PARN: variants seen among roughly 807,000 people sequenced by gnomAD.
PARN encodes poly(A)-specific ribonuclease PARN.
A neutral mutation model predicts 102.8 loss-of-function variants in PARN; 71 were observed. The observed-to-expected ratio is 0.69, with a 90% confidence interval of 0.57 to 0.84. The LOEUF is 0.84. Ranked by LOEUF, PARN falls within the 40% of genes least tolerant of loss-of-function variation. PARN has a pLI of 0.00. For missense variants in PARN, 782 were observed against 760.9 expected, an observed-to-expected ratio of 1.03 and a Z score of -0.33; for synonymous variants, 261 against 252.9, an observed-to-expected ratio of 1.03 and a Z score of -0.30.
chr16:14,566,683 C>T (rs905313549), intron 18 of PARN, among the ~76,000 whole-genome samples: 3 of 152,180 alleles, frequency 2.0e-5, no homozygotes, highest in African/African-American at 7.2e-5. Flanking sequence ...TGACTGATTT[C>T]CTTTTACCTC....
chr16:14,455,853 C>T (rs1482078311), intron 22 of PARN, among the ~76,000 whole-genome samples: 2 of 152,210 alleles, frequency 1.3e-5, no homozygotes, highest in Non-Finnish European at 2.9e-5. Context: ...CTCCATGTGT[C>T]GCTGACTGTG....
chr16:14,462,823 A>G (rs1962070542), intron 22 of PARN, among the ~76,000 whole-genome samples: 1 of 152,220 alleles, frequency 6.6e-6, no homozygotes, highest in African/African-American at 2.4e-5. Context: ...CTACCCAGCC[A>G]AAACAACCAA....
intron 3 of PARN, 112 bp downstream of exon 3, chr16:14,628,060 A>G: frequency 1.4e-6 from 1 of 718,360 alleles, no homozygotes; most frequent in Non-Finnish European, 2.4e-6. Flanking sequence ...GTTTGAGGAG[A>G]AAATACTGCA....
chr16:14,471,613 C>T (rs892606981), intron 22 of PARN, among the ~76,000 whole-genome samples: 6 of 152,148 alleles, frequency 3.9e-5, no homozygotes, highest in Non-Finnish European at 2.9e-5. Context: ...CACTGCTGGG[C>T]AACCAATCTC....
At chr16:14,475,022 G>A (rs1319298129) in intron 22 of PARN, among the ~76,000 whole-genome samples, 2 of 152,178 alleles carry the variant, frequency 1.3e-5, no homozygotes, top group East Asian at 1.9e-4. Flanking sequence ...TTTGATATAT[G>A]CATTAGCATT....
chr16:14,529,666 T>G (rs1596585169), intron 21 of PARN, among the ~76,000 whole-genome samples: 1 of 152,124 alleles, frequency 6.6e-6, no homozygotes, highest in South Asian at 2.1e-4. Flanking sequence ...AGCAATAAAG[T>G]ATCAGACACT....
intron 5 of PARN, among the ~76,000 whole-genome samples, chr16:14,621,273 A>G (rs1268832457): frequency 1.3e-5 from 2 of 152,304 alleles, no homozygotes; most frequent in African/African-American, 4.8e-5. Context: ...ACTGAAACAC[A>G]AACTGTGGAA....
intron 5 of PARN, among the ~76,000 whole-genome samples, chr16:14,623,674 T>C (rs1596914986): frequency 6.6e-6 from 1 of 151,410 alleles, no homozygotes. Flanking sequence ...CTGTCCCCAT[T>C]AAAAATACAA....
chr16:14,571,358 A>C (rs1049634272), intron 18 of PARN, among the ~76,000 whole-genome samples: 2 of 115,984 alleles, frequency 1.7e-5, no homozygotes, highest in African/African-American at 2.8e-5. Flanking sequence ...ATTCCAACTC[A>C]AAAAAAAAAA....
At chr16:14,591,628 T>C (rs146732438) in intron 13 of PARN, among the ~76,000 whole-genome samples, 2 of 152,308 alleles carry the variant, frequency 1.3e-5, no homozygotes, top group East Asian at 1.9e-4. Flanking sequence ...TGGCCCTTTA[T>C]AGAAAACGTG....
intron 13 of PARN, among the ~76,000 whole-genome samples, chr16:14,588,282 A>G (rs1405000247): frequency 1.3e-5 from 2 of 152,192 alleles, no homozygotes; most frequent in Admixed American, 6.5e-5. Context: ...GGAGAGCAAC[A>G]AGGGATTAGA....
chr16:14,555,239 T>C (rs986025909), intron 19 of PARN, among the ~76,000 whole-genome samples: 9 of 151,930 alleles, frequency 5.9e-5, no homozygotes, highest in Non-Finnish European at 1.2e-4. Flanking sequence ...GTTTTTTAAA[T>C]AAAACAAAAC....
At chr16:14,461,817 T>A (rs1015491186) in intron 22 of PARN, among the ~76,000 whole-genome samples, 6 of 152,242 alleles carry the variant, frequency 3.9e-5, no homozygotes, top group African/African-American at 9.6e-5. Context: ...TTGAAAAGAA[T>A]GTTGCCTGGG....
At position 14,476,477 on chromosome 16, in the gene PARN, CT is replaced by C. The variant is rs756804288; in HGVS notation, c.1670+6160del. Among the ~76,000 whole-genome samples, 4 of 152,280 alleles carry C rather than the reference CT, an allele frequency of 2.6e-5. 2 individuals carry two copies. ...TTTTGAGTTCTGGGGGCCATAAGGT[CT>C]CTGTCATAACTACCCACCTTTGCCA... On this transcript the variant is annotated intron_variant, in intron 22 of 23. Coordinates refer to ENST00000437198, the MANE Select transcript of PARN (RefSeq NM_002582.4).
intron 14 of PARN, 124 bp downstream of exon 14, chr16:14,586,194 C>A: frequency 1.6e-6 from 1 of 630,428 alleles, no homozygotes; most frequent in South Asian, 2.0e-5. Context: ...CAGGCTGGTT[C>A]TGAACTCCCT....
At chr16:14,547,795 C>G (rs1339715848) in intron 21 of PARN, among the ~76,000 whole-genome samples, 4 of 151,900 alleles carry the variant, frequency 2.6e-5, no homozygotes, top group Non-Finnish European at 5.9e-5. Context: ...TAAAAAGCAA[C>G]TCCTTAAATG....
At chr16:14,439,563 A>T (rs1241070554) in intron 23 of PARN, among the ~76,000 whole-genome samples, 1 of 152,234 alleles carries the variant, frequency 6.6e-6, no homozygotes, top group Non-Finnish European at 1.5e-5. Context: ...CTAAAACTGT[A>T]AAACTTCTGG....
At chr16:14,489,574 A>C (rs377600443) in intron 21 of PARN, among the ~76,000 whole-genome samples, 2 of 152,098 alleles carry the variant, frequency 1.3e-5, no homozygotes, top group Non-Finnish European at 2.9e-5. Context: ...TCCTGTTTCA[A>C]TGTCTTCGGT....
intron 21 of PARN, among the ~76,000 whole-genome samples, chr16:14,503,363 C>T (rs1964721756): frequency 6.6e-6 from 1 of 152,174 alleles, no homozygotes; most frequent in African/African-American, 2.4e-5. Flanking sequence ...AGAGCTGACT[C>T]ATATGAGAAA....
Sources: allele counts gnomAD v4.1 joint callset (sites outside exome capture counted in the v4.1 genomes callset), GRCh38; gene constraint gnomAD v4.1.1; transcripts MANE v1.5; gene names NCBI Gene and HGNC (gene_info 2026-07-23, HGNC 2026-07-21).